ADAM33: variants seen among roughly 807,000 people sequenced by gnomAD.
The protein encoded by ADAM33 is disintegrin and metalloproteinase domain-containing protein 33.
Under a neutral mutation model 106.2 loss-of-function variants are expected in ADAM33, and 103 were observed. The ratio of observed to expected loss-of-function variants is 0.97; its 90% confidence interval spans 0.83 to 1.14. The LOEUF is 1.14. ADAM33 is among the 50% of genes most tolerant of loss of function. The pLI is 0.00. For synonymous variants in ADAM33, 483 were observed against 453.0 expected, an observed-to-expected ratio of 1.07 and a Z score of -0.84; for missense variants, 1,120 against 1,096.6, an observed-to-expected ratio of 1.02 and a Z score of -0.30.
intron 11 of ADAM33, 123 bp downstream of exon 11, chr20:3,673,231 G>C: frequency 6.5e-7 from 1 of 1,533,544 alleles, no homozygotes; most frequent in Non-Finnish European, 8.7e-7. Flanking sequence ...ACCCTGAAGC[G>C]GACACTATGA....
intron 1 of ADAM33, 99 bp from the exon 2 acceptor site, chr20:3,679,670 A>G (rs1219562652): frequency 9.1e-7 from 1 of 1,093,222 alleles, no homozygotes; most frequent in African/African-American, 1.6e-5. Context: ...CCAGGGAGGC[A>G]CTGGAGGCCT....
chr20:3,674,968 T>A, intron 4 of ADAM33, 59 bp downstream of exon 4: 1 of 1,610,086 alleles, frequency 6.2e-7, no homozygotes, highest in Non-Finnish European at 8.5e-7. Context: ...GGAGTAGGGG[T>A]AGGAATGGTG....
At position 3,674,649 on chromosome 20, in the gene ADAM33, G is replaced by A. The variant is rs1600226783; in HGVS notation, c.455C>T (p.Pro152Leu). ...LSRNASYYLR[P>L]WPPRGSKDFS... ...GTCCTTGGAGCCCCGGGGTGGCCAG[G>A]GACGCAGATAATAGCTGGCATTCCT... The change falls in exon 6 of 22, where the codon CCC (proline) becomes CTC (leucine). Residue 152 changes from proline to leucine, a missense_variant. Coordinates refer to ENST00000356518, the MANE Select transcript of ADAM33 (RefSeq NM_025220.5). 6.2e-7 allele frequency: 1 copy of A among 1,612,218 alleles called. No homozygotes were observed. Among genetic ancestry groups the A allele is most frequent in the African/African-American group, 1.3e-5 (1 of 74,910 alleles).
chr20:3,671,017 AG>A lies in ADAM33; in HGVS notation c.2228del (p.Pro743LeufsTer74). 3.9e-6 allele frequency: 6 copies of A among 1,550,396 alleles called. No homozygotes were observed. The highest frequency in any genetic ancestry group is 5.2e-6 in the Non-Finnish European group (6 of 1,147,950). On this transcript the variant is annotated frameshift_variant, in exon 19 of 22. Coordinates refer to ENST00000356518, the MANE Select transcript of ADAM33 (RefSeq NM_025220.5). LOFTEE classifies it high-confidence loss of function. Reference sequence around the variant, plus strand: ...CGCTCGGAGCCTACCCACTGCACGCAGGGTCCCTTCTGCAGCCCCAGCTGCA... The same window carrying A: ...CGCTCGGAGCCTACCCACTGCACGCAGGTCCCTTCTGCAGCCCCAGCTGCA... ...QRCSWGCRRD[P>X]ACSGPKDGPH... is the part of the protein sequence containing the mutation.
At chr20:3,669,696 C>T in intron 19 of ADAM33, 59 bp from the exon 20 acceptor site, 1 of 1,449,518 alleles carries the variant, frequency 6.9e-7, no homozygotes, top group Non-Finnish European at 9.5e-7. Context: ...GGGTTATTGC[C>T]TCCCCGCAGC....
At position 3,671,024 on chromosome 20, in the gene ADAM33, C is replaced by A. The variant is rs2087498135; in HGVS notation, c.2222G>T (p.Arg741Met). ...HLQRCSWGCR[R>M]DPACSGPKDG... ...AGCCTACCCACTGCACGCAGGGTCC[C>A]TTCTGCAGCCCCAGCTGCATCGCTG... is the stretch of plus-strand genomic sequence containing the variant. Residue 741 changes from arginine to methionine, a missense_variant, in exon 19 of 22, where the codon AGG becomes ATG. Transcript: ENST00000356518. 3 of 1,552,710 alleles carry A rather than the reference C, an allele frequency of 1.9e-6. No homozygotes were observed. Among genetic ancestry groups the A allele is most frequent in the Non-Finnish European group, 2.6e-6 (3 of 1,149,056 alleles).
At chr20:3,669,135 G>C (rs1035780328) in intron 21 of ADAM33, 135 bp from the exon 22 acceptor site, 12 of 1,253,878 alleles carry the variant, frequency 9.6e-6, no homozygotes, top group Non-Finnish European at 1.4e-5. Flanking sequence ...CCCAGCCCAG[G>C]GGCTTCCAGC....
Position 3,679,541 on chromosome 20 carries a change from T to C in ADAM33, c.128A>G (p.His43Arg), listed in dbSNP as rs986191067. 1 of 1,610,578 alleles carries C rather than the reference T, an allele frequency of 6.2e-7. No homozygotes were observed. The highest frequency in any genetic ancestry group is 8.5e-7 in the Non-Finnish European group (1 of 1,178,690). ...GHIPGQPVTP[H>R]WVLDGQPWRT... ...CCAGGGTTGTCCATCCAGGACCCAG[T>C]GCGGGGTGACTGGCTGCCCAGGGAT... Residue 43 changes from histidine (H) to arginine (R), a missense_variant, in exon 2 of 22, where the codon CAC becomes CGC. Physicochemically the swap from His to Arg is conservative, Grantham distance 29. Transcript: ENST00000356518.
At position 3,672,217 on chromosome 20, in the gene ADAM33, G is replaced by C; in HGVS notation, c.1514C>G (p.Ser505Ter). 1.9e-6 allele frequency: 3 copies of C among 1,613,456 alleles called. No individual in the cohort carries two copies. The highest frequency in any genetic ancestry group is 2.5e-6 in the Non-Finnish European group (3 of 1,180,034). Residue 505 changes from serine (S) to a stop codon, truncating the protein, a stop_gained, in exon 14 of 22, where the codon TCA becomes TGA. Transcript: ENST00000356518. LOFTEE classifies it high-confidence loss of function. ...CPPDVYLLDG[S>*]PCARGSGYCW... is the part of the protein sequence containing the mutation. The stretch of plus-strand genomic sequence containing the variant: ...GTAGCCACTGCCCCTGGCACAGGGT[G>C]AGCCGTCCAGTAGGTAAACGTCTGG...
intron 1 of ADAM33, 137 bp from the exon 2 acceptor site, chr20:3,679,708 C>G: frequency 1.5e-6 from 1 of 684,410 alleles, no homozygotes. Context: ...CTTCAACACG[C>G]GTGGGCTCAG....
intron 1 of ADAM33, among the ~76,000 whole-genome samples, chr20:3,680,146 C>T (rs926219948): frequency 2.0e-5 from 3 of 152,134 alleles, no homozygotes; most frequent in African/African-American, 7.2e-5. Context: ...CGCTTCTGGA[C>T]GGAGCCTTGG....
At chr20:3,669,121 C>T in intron 21 of ADAM33, 121 bp from the exon 22 acceptor site, 1 of 1,303,850 alleles carries the variant, frequency 7.7e-7, no homozygotes, top group Non-Finnish European at 1.1e-6. Flanking sequence ...ACAGCTTCTC[C>T]CTCCCCAGCC....
chr20:3,672,178 G>A lies in ADAM33; in HGVS notation c.1553C>T (p.Ala518Val). 1 of 1,613,238 alleles carries A rather than the reference G, an allele frequency of 6.2e-7. No individual in the cohort carries two copies. The highest frequency in any genetic ancestry group is 2.2e-5 in the East Asian group (1 of 44,886). Residue 518 changes from alanine (A) to valine (V), a missense_variant, in exon 14 of 22, where the codon GCA becomes GTA. By Grantham distance (64) the Ala-to-Val change is moderately conservative. Transcript: ENST00000356518. Reference protein sequence around the residue: ...ARGSGYCWDGACPTLEQQCQQ... With the variant: ...ARGSGYCWDGVCPTLEQQCQQ... ...GCACTGCTGCTCCAGCGTGGGACAT[G>A]CGCCATCCCAGCAGTAGCCACTGCC...
At chr20:3,681,587 G>GC (rs2088499636) in intron 1 of ADAM33, among the ~76,000 whole-genome samples, 1 of 143,662 alleles carries the variant, frequency 7.0e-6, no homozygotes, top group Non-Finnish European at 1.5e-5. Context: ...GAGAATCCAG[G>GC]AAGAGGGGGC....
At position 3,672,901 on chromosome 20, in the gene ADAM33, A is replaced by G. The variant is rs1219057877; in HGVS notation, c.1134-3T>C. ...TGAACACGCGCGGAAACGGGTGCCT[A>G]CCGGCACGGGGAGGGCATTGGGCAT... On this transcript the variant is annotated splice_region_variant and splice_polypyrimidine_tract_variant and intron_variant, in intron 11 of 21. Transcript: ENST00000356518. The G allele has an allele frequency of 1.9e-6, 3 of 1,562,342 alleles. No homozygotes were observed. The highest frequency in any genetic ancestry group is 2.7e-5 in the African/African-American group (2 of 73,250).
At position 3,673,625 on chromosome 20, in the gene ADAM33, C is replaced by A; in HGVS notation, c.939G>T (p.Leu313=). 7.4e-7 allele frequency: 1 copy of A among 1,356,906 alleles called. No individual in the cohort carries two copies. The highest frequency in any genetic ancestry group is 1.8e-5 in the South Asian group (1 of 54,866). 84.1% of individuals were successfully genotyped at this position (1,356,906 alleles called of 1,614,324 possible). A position where few individuals can be genotyped will look rare whatever the true frequency, so the allele number is the denominator to read the frequency against. Residue 313 remains leucine (L), a synonymous_variant, in exon 10 of 22, where the codon CTG becomes CTT. Transcript: ENST00000356518. ...CGCGGCACATGCCCTCGACGGGCGC[C>A]AGGCCCACTGTGGCGCCCTGGAAGG... ...GRAFQGATVG[L]APVEGMCRAE...
At position 3,672,854 on chromosome 20, in the gene ADAM33, A is replaced by G. The variant is rs753611486; in HGVS notation, c.1178T>C (p.Leu393Pro). 2.5e-6 allele frequency: 4 copies of G among 1,577,014 alleles called. No homozygotes were observed. The highest frequency in any genetic ancestry group is 3.4e-6 in the Non-Finnish European group (4 of 1,169,694). Reference protein sequence around the residue: ...RVFSACSRRQLRAFFRKGGGA... With the variant: ...RVFSACSRRQPRAFFRKGGGA... ...GCCCCCCTTGCGGAAGAAGGCGCGCAGCTGGCGGCGGCTGCAGGCGCTGAA... is the reference window on the plus strand; with the variant it reads ...GCCCCCCTTGCGGAAGAAGGCGCGCGGCTGGCGGCGGCTGCAGGCGCTGAA... Residue 393 changes from leucine (L) to proline (P), a missense_variant, in exon 12 of 22, where the codon CTG (leucine) becomes CCG (proline). Transcript: ENST00000356518.
rs549050156 is a variant in ADAM33, at chr20:3,668,291, C to G, written c.*672G>C. On this transcript the variant is annotated 3_prime_UTR_variant, in exon 22 of 22. Coordinates refer to ENST00000356518, the MANE Select transcript of ADAM33 (RefSeq NM_025220.5). ...CCACGCCTATAGCCAACATGTCTTT[C>G]TTTTGACTTCTACTTTGGTATCTTT... 1 of 152,962 alleles carries G rather than the reference C, an allele frequency of 6.5e-6. No homozygotes were observed. The highest frequency in any genetic ancestry group is 6.5e-5 in the Admixed American group (1 of 15,396). The allele number at this position is 152,962 out of a possible 1,614,324, so 9.5% of individuals were successfully genotyped here. A position where few individuals can be genotyped will look rare whatever the true frequency, so the allele number is the denominator to read the frequency against.
intron 2 of ADAM33, among the ~76,000 whole-genome samples, chr20:3,678,465 T>G (rs1027458747): frequency 3.3e-5 from 5 of 152,056 alleles, no homozygotes; most frequent in African/African-American, 1.2e-4. Context: ...CTCCTGGGGA[T>G]GGGGAGGGCA....
Sources: allele counts gnomAD v4.1 joint callset (sites outside exome capture counted in the v4.1 genomes callset), GRCh38; gene constraint gnomAD v4.1.1; transcripts MANE v1.5; gene names NCBI Gene and HGNC (gene_info 2026-07-23, HGNC 2026-07-21).